SLC35E2B: variants seen among roughly 807,000 people sequenced by gnomAD.
SLC35E2B encodes solute carrier family 35 member E2B.
Under a neutral mutation model 32.4 loss-of-function variants are expected in SLC35E2B, and 18 were observed. That is an observed-to-expected ratio of 0.56 (90% CI 0.38 to 0.82). The LOEUF (loss-of-function observed/expected upper bound fraction) is 0.82. SLC35E2B is among the 40% of genes least tolerant of loss of function. The probability of loss-of-function intolerance (pLI) is 0.00; values close to 1 mark genes in which losing one functional copy is unlikely to be tolerated. For missense variants in SLC35E2B, 263 were observed against 469.5 expected (o/e 0.56, Z 4.06); for synonymous variants, 132 against 209.1 (o/e 0.63, Z 3.18).
At chr1:1,670,475 G>A (rs1371467719) in intron 6 of SLC35E2B, 1 of 214,614 alleles carries the variant, frequency 4.7e-6, no homozygotes, top group African/African-American at 2.4e-5. Flanking sequence ...AGGCTGGAGT[G>A]CAGTGGCGCA....
At chr1:1,689,687 A>G (rs1643996338) in intron 2 of SLC35E2B, among the ~76,000 whole-genome samples, 4 of 151,490 alleles carry the variant, frequency 2.6e-5, no homozygotes, top group Non-Finnish European at 1.5e-5. Context: ...CTGTTTCACC[A>G]AAGTACACCA....
intron 5 of SLC35E2B, chr1:1,672,575 T>A (rs1643725144): frequency 1.3e-5 from 2 of 152,136 alleles, no homozygotes; most frequent in Non-Finnish European, 2.9e-5. Flanking sequence ...GTGAATGCCG[T>A]TTCACCCTTC....
intron 2 of SLC35E2B, among the ~76,000 whole-genome samples, chr1:1,688,975 T>G (rs1312689502): frequency 6.6e-6 from 1 of 151,780 alleles, no homozygotes. Flanking sequence ...ATTGAGACCA[T>G]CCTGGCTAAC....
chr1:1,678,442 C>CCTCTCT (rs925260130), intron 2 of SLC35E2B, among the ~76,000 whole-genome samples: 13 of 152,128 alleles, frequency 8.5e-5, no homozygotes, highest in Non-Finnish European at 1.9e-4. Context: ...CTGCAGCCTT[C>CCTCTCT]CTCTCTCTCC....
chr1:1,670,082 G>A lies in SLC35E2B; in HGVS notation c.761+16C>T. ...CGTCTTATGACTTGGAGATTTCACTGACGAATAATACTTACGAGAACCTGT... is the reference window on the plus strand; with the variant it reads ...CGTCTTATGACTTGGAGATTTCACTAACGAATAATACTTACGAGAACCTGT... On this transcript the variant is annotated intron_variant, in intron 7 of 9. Transcript: ENST00000617444. The A allele has an allele frequency of 6.5e-7, 1 of 1,547,908 alleles. No homozygotes were observed. Among genetic ancestry groups the A allele is most frequent in the Non-Finnish European group, 8.7e-7 (1 of 1,143,230 alleles).
rs978985728 is a variant in SLC35E2B, at chr1:1,669,847, T to A, written c.762-111A>T. ...ACCCCAGCCCAGAAGACGTTCATTC[T>A]CTCTAGACAGGACTAGGGTGCTGCA... On this transcript the variant is annotated intron_variant, in intron 7 of 9. Coordinates refer to ENST00000617444, the MANE Select transcript of SLC35E2B (RefSeq NM_001290264.2). 2.6e-6 allele frequency: 3 copies of A among 1,159,576 alleles called. No individual in the cohort carries two copies. In the African/African-American group the frequency reaches 4.6e-5, roughly 18 times the overall value. The allele number at this position is 1,159,576 out of a possible 1,614,324, so 71.8% of individuals were successfully genotyped here.
At chr1:1,683,350 C>A (rs1198257691) in intron 2 of SLC35E2B, among the ~76,000 whole-genome samples, 2 of 152,126 alleles carry the variant, frequency 1.3e-5, no homozygotes, top group Non-Finnish European at 2.9e-5. Flanking sequence ...TGCTTCTGAC[C>A]GGCAGCTATA....
rs139260872 is a variant in SLC35E2B at position 1,670,192 on chromosome 1, C to T, written c.708-41G>A. The stretch of plus-strand genomic sequence containing the variant: ...GAGGTTATGCATCAATACTAGTCCT[C>T]GGCACGGAACATCAGGGGGAGAAGG... On this transcript the variant is annotated intron_variant, in intron 6 of 9. Transcript: ENST00000617444. The T allele has an allele frequency of 1.6e-4, 224 of 1,406,224 alleles. No homozygotes were observed. In the African/African-American group the frequency reaches 2.5e-3, roughly 16 times the overall value. The allele number at this position is 1,406,224 out of a possible 1,614,324, so 87.1% of individuals were successfully genotyped here.
At chr1:1,677,746 A>G (rs1643866153) in intron 2 of SLC35E2B, among the ~76,000 whole-genome samples, 3 of 151,166 alleles carry the variant, frequency 2.0e-5, no homozygotes, top group Admixed American at 2.0e-4. Context: ...TCGGCCTCCT[A>G]AAGTTCCATG....
Position 1,671,637 on chromosome 1 carries a change from G to C in SLC35E2B, c.587-8C>G. Reference sequence around the variant, plus strand: ...AGAGGTTGACCAGCAGCCCTGGCGAGAGGACAGCCCCTGTGAGTGGCTGAC... The same window carrying C: ...AGAGGTTGACCAGCAGCCCTGGCGACAGGACAGCCCCTGTGAGTGGCTGAC... On this transcript the variant is annotated splice_region_variant and splice_polypyrimidine_tract_variant and intron_variant, in intron 5 of 9. Coordinates refer to ENST00000617444, the MANE Select transcript of SLC35E2B (RefSeq NM_001290264.2). 6.5e-7 allele frequency: 1 copy of C among 1,538,662 alleles called. No homozygotes were observed. Among genetic ancestry groups the C allele is most frequent in the Non-Finnish European group, 8.8e-7 (1 of 1,140,362 alleles).
At chr1:1,684,786 T>A (rs2101115865) in intron 2 of SLC35E2B, among the ~76,000 whole-genome samples, 3 of 33,786 alleles carry the variant, frequency 8.9e-5, no homozygotes, top group South Asian at 1.1e-3. Flanking sequence ...CGAGACTCCA[T>A]CTCAAAAAAA....
At position 1,663,369 on chromosome 1, in the gene SLC35E2B, G is replaced by C; in HGVS notation, c.*2413C>G. 1.0e-6 allele frequency: 1 copy of C among 962,324 alleles called. No individual in the cohort carries two copies. Among genetic ancestry groups the C allele is most frequent in the Non-Finnish European group, 1.2e-6 (1 of 809,474 alleles). 59.6% of individuals were successfully genotyped at this position (962,324 alleles called of 1,614,324 possible). A position where few individuals can be genotyped will look rare whatever the true frequency, so the allele number is the denominator to read the frequency against. ...CCAGACCACAATCTTCAAAGAGGCC[G>C]GCAGCCACATTCTCGACGGGGAGGT... On this transcript the variant is annotated 3_prime_UTR_variant, in exon 10 of 10. Coordinates refer to ENST00000617444, the MANE Select transcript of SLC35E2B (RefSeq NM_001290264.2).
At chr1:1,687,511 G>C (rs752401269) in intron 2 of SLC35E2B, among the ~76,000 whole-genome samples, 1 of 152,078 alleles carries the variant, frequency 6.6e-6, no homozygotes, top group Non-Finnish European at 1.5e-5. Flanking sequence ...AGGCCGAGAC[G>C]GGCAGATCAT....
At chr1:1,666,116 G>A (rs1213923786) in intron 9 of SLC35E2B, 97 bp from the exon 10 acceptor site, 3 of 1,377,234 alleles carry the variant, frequency 2.2e-6, no homozygotes, top group Admixed American at 2.4e-5. Context: ...GAGGCTGGGT[G>A]GGGTTGGGGG....
chr1:1,686,917 G>A (rs550632676), intron 2 of SLC35E2B, among the ~76,000 whole-genome samples: 4 of 151,920 alleles, frequency 2.6e-5, no homozygotes, highest in African/African-American at 7.3e-5. Context: ...TTAGCCGGGC[G>A]TGGTGACGGG....
chr1:1,685,728 G>C (rs2101117249), intron 2 of SLC35E2B, among the ~76,000 whole-genome samples: 1 of 152,322 alleles, frequency 6.6e-6, no homozygotes, highest in East Asian at 1.9e-4. Flanking sequence ...CGGGTGCATG[G>C]ACGCTGGATG....
intron 2 of SLC35E2B, among the ~76,000 whole-genome samples, chr1:1,689,080 G>A (rs549470882): frequency 2.0e-5 from 3 of 152,102 alleles, no homozygotes; most frequent in Non-Finnish European, 2.9e-5. Context: ...GCTGAGGCAC[G>A]AGGATCACTT....
intron 2 of SLC35E2B, among the ~76,000 whole-genome samples, chr1:1,680,020 A>G (rs1430530286): frequency 1.3e-5 from 2 of 150,924 alleles, no homozygotes; most frequent in Non-Finnish European, 1.5e-5. Context: ...CCAGCTACTC[A>G]GGAGGCTGAG....
At chr1:1,675,061 G>C (rs1340411354) in intron 5 of SLC35E2B, among the ~76,000 whole-genome samples, 2 of 151,740 alleles carry the variant, frequency 1.3e-5, no homozygotes, top group Non-Finnish European at 2.9e-5. Context: ...AGGCTGTGGG[G>C]TGCTGGCACA....
Sources: gnomAD v4.1 joint callset for allele counts (sites outside exome capture counted in the v4.1 genomes callset) on GRCh38, gnomAD v4.1.1 for gene constraint, MANE v1.5 for transcripts, NCBI Gene and HGNC (gene_info 2026-07-23, HGNC 2026-07-21) for gene names.